The following EFCAB5 variants were observed in gnomAD, a reference collection of about 807,000 sequenced individuals.
EFCAB5 encodes the protein EF-hand calcium binding domain 5.
EFCAB5 carries 131 observed loss-of-function variants against 167.9 expected under a neutral mutation model. The ratio of observed to expected loss-of-function variants is 0.78; its 90% CI spans 0.68 to 0.90. EFCAB5 has a LOEUF of 0.90. EFCAB5 is among the 40% of genes least tolerant of loss of function. The pLI, the probability that EFCAB5 is intolerant of heterozygous loss-of-function variation, is 0.00. For synonymous variants in EFCAB5, 574 were observed against 602.8 expected (o/e 0.95, Z 0.70); for missense variants, 1,663 against 1,745.2 (o/e 0.95, Z 0.84).
intron 3 of EFCAB5, among the ~76,000 whole-genome samples, chr17:29,947,750 C>A (rs947459576): frequency 6.8e-4 from 104 of 152,164 alleles, no homozygotes; most frequent in African/African-American, 2.4e-3. Flanking sequence ...CAAACATCTA[C>A]CACCAACACC....
At position 30,090,631 on chromosome 17, in the gene EFCAB5, ACT is replaced by A; in HGVS notation, c.3895_3896del (p.Leu1299TrpfsTer16). 1 of 1,613,930 alleles carries A rather than the reference ACT, an allele frequency of 6.2e-7. No individual in the cohort carries two copies. ...TGGTCCAAGTGGCCTGCTATGAAAT[ACT>A]TGGCGAGTTCTCTGGAGAGATAAAG... ...KVVQVACYEI[L>X]GEFSGEIKKK... is the part of the protein sequence containing the mutation. On this transcript the variant is annotated frameshift_variant, in exon 20 of 23. Coordinates refer to ENST00000394835, the MANE Select transcript of EFCAB5 (RefSeq NM_198529.4). LOFTEE classifies it high-confidence loss of function.
At chr17:30,006,111 G>T (rs1351639861) in intron 7 of EFCAB5, among the ~76,000 whole-genome samples, 1 of 152,120 alleles carries the variant, frequency 6.6e-6, no homozygotes, top group African/African-American at 2.4e-5. Flanking sequence ...ACTGTAATCC[G>T]ACTGCCTTAG....
chr17:30,078,155 T>TC (rs1206387625), intron 14 of EFCAB5, 60 bp from the exon 15 acceptor site: 11 of 1,508,466 alleles, frequency 7.3e-6, no homozygotes, highest in Non-Finnish European at 7.1e-6. Flanking sequence ...AGAATGAAAA[T>TC]CCCCCCCACC....
At chr17:30,001,825 T>C (rs962897143) in intron 7 of EFCAB5, among the ~76,000 whole-genome samples, 21 of 152,340 alleles carry the variant, frequency 1.4e-4, no homozygotes, top group African/African-American at 4.8e-4. Flanking sequence ...TGCCATATTG[T>C]GTACTGAGGT....
intron 4 of EFCAB5, among the ~76,000 whole-genome samples, chr17:29,974,140 A>G (rs1284886503): frequency 6.6e-6 from 1 of 150,594 alleles, no homozygotes; most frequent in African/African-American, 2.5e-5. Flanking sequence ...CCTGTGTGAC[A>G]GAGTGAAACT....
intron 4 of EFCAB5, among the ~76,000 whole-genome samples, chr17:29,991,378 G>A (rs1221026199): frequency 6.6e-6 from 1 of 152,228 alleles, no homozygotes; most frequent in African/African-American, 2.4e-5. Context: ...TCAGAGCTGA[G>A]AGCCTCGAAC....
chr17:30,083,909 T>G (rs2071037917), intron 18 of EFCAB5, among the ~76,000 whole-genome samples: 1 of 152,230 alleles, frequency 6.6e-6, no homozygotes, highest in South Asian at 2.1e-4. Flanking sequence ...ACCGATTTTT[T>G]TAAGCCCTCC....
intron 6 of EFCAB5, among the ~76,000 whole-genome samples, chr17:29,998,877 T>C (rs2068601569): frequency 6.6e-6 from 1 of 152,222 alleles, no homozygotes; most frequent in Non-Finnish European, 1.5e-5. Context: ...AAGGATTACA[T>C]AAATTGTCAT....
chr17:30,047,888 T>C (rs1355529481), intron 8 of EFCAB5, among the ~76,000 whole-genome samples: 6 of 152,212 alleles, frequency 3.9e-5, no homozygotes, highest in African/African-American at 1.4e-4. Context: ...AAGGGAAGGC[T>C]GGGTCTCTTG....
At chr17:30,081,007 G>C (rs373967734) in intron 17 of EFCAB5, 26 bp downstream of exon 17, 4 of 1,552,392 alleles carry the variant, frequency 2.6e-6, no homozygotes, top group Non-Finnish European at 3.5e-6. Context: ...CTTCAAGAGC[G>C]ATGGTAGGAT....
At chr17:29,984,063 AT>A (rs1677516162) in intron 4 of EFCAB5, among the ~76,000 whole-genome samples, 2 of 152,090 alleles carry the variant, frequency 1.3e-5, no homozygotes, top group African/African-American at 2.4e-5. Flanking sequence ...CCTAAGCTTT[AT>A]AATGGCAGAA....
chr17:30,090,849 A>G (rs2071182892), intron 20 of EFCAB5, among the ~76,000 whole-genome samples, 175 bp downstream of exon 20: 1 of 152,236 alleles, frequency 6.6e-6, no homozygotes, highest in Admixed American at 6.5e-5. Context: ...TCTACAAATT[A>G]AAGGAAACAG....
chr17:29,965,569 A>G (rs926356205), intron 3 of EFCAB5, among the ~76,000 whole-genome samples: 7 of 152,176 alleles, frequency 4.6e-5, no homozygotes, highest in African/African-American at 1.7e-4. Context: ...ATTTTCATAT[A>G]TGGTGTAAGG....
intron 7 of EFCAB5, among the ~76,000 whole-genome samples, chr17:30,017,211 C>A (rs577776548): frequency 1.5e-4 from 22 of 151,570 alleles, no homozygotes; most frequent in African/African-American, 5.3e-4. Context: ...AAAAACCAAC[C>A]AAACAAAAAA....
chr17:30,005,870 C>T (rs2068763656), intron 7 of EFCAB5, among the ~76,000 whole-genome samples: 1 of 152,212 alleles, frequency 6.6e-6, no homozygotes, highest in African/African-American at 2.4e-5. Flanking sequence ...AGTCTTGCCA[C>T]ATAGCAGCCT....
At chr17:30,084,558 A>T (rs1466534640) in intron 18 of EFCAB5, among the ~76,000 whole-genome samples, 4 of 152,094 alleles carry the variant, frequency 2.6e-5, no homozygotes, top group African/African-American at 7.2e-5. Flanking sequence ...AAGTCGGGGG[A>T]GAGAAGGACC....
At chr17:30,107,135 T>C (rs2071459433) in intron 22 of EFCAB5, among the ~76,000 whole-genome samples, 1 of 152,208 alleles carries the variant, frequency 6.6e-6, no homozygotes, top group South Asian at 2.1e-4. Context: ...ATATTAGTCA[T>C]TGACTCCTGG....
chr17:29,938,751 T>A (rs1221301630), upstream of EFCAB5, among the ~76,000 whole-genome samples: 1 of 152,220 alleles, frequency 6.6e-6, no homozygotes, highest in Non-Finnish European at 1.5e-5. Flanking sequence ...ATCATGAGAT[T>A]GCAGCAATTT....
At chr17:29,952,317 A>G (rs985154983) in intron 3 of EFCAB5, among the ~76,000 whole-genome samples, 1 of 152,160 alleles carries the variant, frequency 6.6e-6, no homozygotes, top group Non-Finnish European at 1.5e-5. Context: ...ATACTATCAC[A>G]TTGGGTCTTA....
Sources: allele counts gnomAD v4.1 joint callset (sites outside exome capture counted in the v4.1 genomes callset), GRCh38; gene constraint gnomAD v4.1.1; transcripts MANE v1.5; gene names NCBI Gene and HGNC (gene_info 2026-07-23, HGNC 2026-07-21).